The following NCKAP5 variants were observed in gnomAD, a reference collection of about 807,000 sequenced individuals.
NCKAP5 encodes NCK associated protein 5.
A neutral mutation model predicts 167.0 loss-of-function variants in NCKAP5; 92 were observed. The ratio of observed to expected loss-of-function variants is 0.55; its 90% CI spans 0.47 to 0.66. The LOEUF (loss-of-function observed/expected upper bound fraction) is 0.66. NCKAP5 is among the 30% of genes least tolerant of loss of function. NCKAP5 has a pLI of 0.00. For missense variants in NCKAP5, 2,378 were observed against 2,315.0 expected (o/e 1.03, Z -0.56); for synonymous variants, 891 against 877.4 (o/e 1.02, Z -0.27).
the NCKAP5 span, among the ~76,000 whole-genome samples, chr2:133,664,513 G>C: frequency 1.4e-4 from 21 of 152,010 alleles, no homozygotes; most frequent in Non-Finnish European, 2.1e-4. Flanking sequence ...GTTTTGTTTT[G>C]TTTTTAAGAC....
At chr2:132,742,551 A>G (rs2105596962) in intron 16 of NCKAP5, among the ~76,000 whole-genome samples, 1 of 152,096 alleles carries the variant, frequency 6.6e-6, no homozygotes, top group African/African-American at 2.4e-5. Flanking sequence ...CTCTAAGAGT[A>G]TAAATAATTT....
At chr2:133,224,463 AC>A (rs1179032386) in intron 4 of NCKAP5, among the ~76,000 whole-genome samples, 1 of 152,196 alleles carries the variant, frequency 6.6e-6, no homozygotes, top group Non-Finnish European at 1.5e-5. Context: ...CACACAAGCT[AC>A]CTGTACTCCC....
intron 3 of NCKAP5, among the ~76,000 whole-genome samples, chr2:133,508,070 T>C (rs1307948364): frequency 6.6e-6 from 1 of 152,042 alleles, no homozygotes; most frequent in Non-Finnish European, 1.5e-5. Context: ...GAATTAGGGG[T>C]AAGAGAATGT....
intron 5 of NCKAP5, among the ~76,000 whole-genome samples, chr2:133,163,241 G>A (rs996228287): frequency 5.9e-5 from 9 of 152,158 alleles, no homozygotes; most frequent in African/African-American, 1.7e-4. Flanking sequence ...GATTGGTCCC[G>A]AAGGCCCCAT....
At chr2:133,629,764 G>A in the NCKAP5 span, among the ~76,000 whole-genome samples, 3 of 152,176 alleles carry the variant, frequency 2.0e-5, no homozygotes, top group African/African-American at 2.4e-5. Flanking sequence ...TAAAGGAAAT[G>A]TGGTACATAT....
At chr2:132,890,931 A>T (rs1692648400) in intron 8 of NCKAP5, among the ~76,000 whole-genome samples, 1 of 152,228 alleles carries the variant, frequency 6.6e-6, no homozygotes, top group Non-Finnish European at 1.5e-5. Flanking sequence ...ACGTGTACCC[A>T]TACATGTGTG....
chr2:133,617,841 G>A, the NCKAP5 span, among the ~76,000 whole-genome samples: 1,432 of 150,314 alleles, frequency 9.5e-3, 18 homozygotes, highest in East Asian at 0.059. Flanking sequence ...AGCCCGCATC[G>A]CCAAGTCAAT....
chr2:133,297,904 C>A (rs1479185401), intron 4 of NCKAP5, among the ~76,000 whole-genome samples: 2 of 152,164 alleles, frequency 1.3e-5, no homozygotes, highest in African/African-American at 4.8e-5. Flanking sequence ...AGAGAAGGAG[C>A]CTATACTGAT....
At chr2:132,810,569 G>A (rs1039830370) in intron 11 of NCKAP5, among the ~76,000 whole-genome samples, 1 of 152,048 alleles carries the variant, frequency 6.6e-6, no homozygotes, top group African/African-American at 2.4e-5. Context: ...TTCTATTGCT[G>A]AGACTTCCAG....
intron 6 of NCKAP5, among the ~76,000 whole-genome samples, chr2:133,029,895 G>A (rs1298786003): frequency 6.6e-6 from 1 of 152,114 alleles, no homozygotes; most frequent in African/African-American, 2.4e-5. Flanking sequence ...AAAAAGAAAT[G>A]TTTACAAGGA....
At chr2:133,373,977 T>C (rs1353876432) in intron 3 of NCKAP5, among the ~76,000 whole-genome samples, 2 of 152,180 alleles carry the variant, frequency 1.3e-5, no homozygotes, top group African/African-American at 2.4e-5. Context: ...ACCCTATATG[T>C]AGGATAGTAA....
At position 133,236,411 on chromosome 2, in the gene NCKAP5, G is replaced by A. The variant is rs76502347; in HGVS notation, c.144-22632C>T. ...TATATACCCTACCAGTTGTTTTTAG[G>A]TTCTGAAAAAATATACAGGTTAATG... On this transcript the variant is annotated intron_variant, in intron 4 of 19. Transcript: ENST00000409261. 5.4e-3 allele frequency among the ~76,000 whole-genome samples: 827 copies of A among 152,148 alleles called. 6 individuals carry two copies. The highest frequency in any genetic ancestry group is 0.019 in the African/African-American group (791 of 41,514).
chr2:132,956,141 A>G (rs2076336716), intron 8 of NCKAP5, among the ~76,000 whole-genome samples: 1 of 152,224 alleles, frequency 6.6e-6, no homozygotes, highest in South Asian at 2.1e-4. Flanking sequence ...TATGTTAACT[A>G]GCTTGATGTA....
At chr2:133,553,800 G>C (rs969216128) in intron 2 of NCKAP5, among the ~76,000 whole-genome samples, 3 of 152,200 alleles carry the variant, frequency 2.0e-5, no homozygotes, top group Non-Finnish European at 4.4e-5. Flanking sequence ...TACAGAAATA[G>C]AGATGGTAAG....
intron 3 of NCKAP5, among the ~76,000 whole-genome samples, chr2:133,410,191 T>C (rs1688688082): frequency 6.6e-6 from 1 of 152,258 alleles, no homozygotes; most frequent in Admixed American, 6.5e-5. Context: ...AACCATCTAC[T>C]ACACATTGCT....
At chr2:132,718,558 A>T (rs1182506350) in intron 19 of NCKAP5, among the ~76,000 whole-genome samples, 1 of 152,226 alleles carries the variant, frequency 6.6e-6, no homozygotes, top group African/African-American at 2.4e-5. Flanking sequence ...TTCATCATTG[A>T]AGAGTAAACT....
Position 132,790,117 on chromosome 2 carries a change from C to T in NCKAP5, c.998G>A (p.Ser333Asn). ...PGHLCPRNSYSSSSELSLSST... is the reference protein window; with the variant it reads ...PGHLCPRNSYNSSSELSLSST... ...TGAAAGAGACAGTTCACTGCTGCTA[C>T]TGTAGCTGTTTCGAGGACAGAGATG... The change falls in exon 13 of 20, where the codon AGT becomes AAT. Residue 333 changes from serine to asparagine, a missense_variant. Physicochemically the swap from Ser to Asn is conservative, Grantham distance 46 (BLOSUM62 1). Transcript: ENST00000409261. 2 of 1,613,682 alleles carry T rather than the reference C, an allele frequency of 1.2e-6. No homozygotes were observed. The highest frequency in any genetic ancestry group is 1.7e-6 in the Non-Finnish European group (2 of 1,179,754).
intron 3 of NCKAP5, among the ~76,000 whole-genome samples, chr2:133,353,994 G>A (rs1244148384): frequency 6.6e-6 from 1 of 152,186 alleles, no homozygotes; most frequent in African/African-American, 2.4e-5. Flanking sequence ...GTCCATTGAG[G>A]TGGTTAACAC....
chr2:133,617,766 C>T, the NCKAP5 span, among the ~76,000 whole-genome samples: 1 of 151,446 alleles, frequency 6.6e-6, no homozygotes, highest in Admixed American at 6.6e-5. Flanking sequence ...CCCCATCAAG[C>T]TACCAATGAC....
Sources: allele counts gnomAD v4.1 joint callset (sites outside exome capture counted in the v4.1 genomes callset), GRCh38; gene constraint gnomAD v4.1.1; transcripts MANE v1.5; gene names NCBI Gene and HGNC (gene_info 2026-07-23, HGNC 2026-07-21).